Variants in CHCHD6 observed in about 807,000 individuals in gnomAD.
CHCHD6 encodes the protein coiled-coil-helix-coiled-coil-helix domain containing 6.
CHCHD6 carries 28 observed loss-of-function variants against 32.3 expected under a neutral mutation model. The ratio of observed to expected loss-of-function variants is 0.87; its 90% CI spans 0.64 to 1.19. CHCHD6 has a LOEUF of 1.19. CHCHD6 is among the 50% of genes most tolerant of loss of function. The pLI is 0.00. For synonymous variants in CHCHD6, 122 were observed against 117.5 expected (o/e 1.04, Z -0.25); for missense variants, 333 against 307.0 (o/e 1.08, Z -0.63).
chr3:126,858,523 C>T (rs1250554113), intron 5 of CHCHD6, among the ~76,000 whole-genome samples: 1 of 152,186 alleles, frequency 6.6e-6, no homozygotes, highest in Non-Finnish European at 1.5e-5. Flanking sequence ...TGGCCTGCAG[C>T]GCTCTGCTCA....
At chr3:126,878,137 C>A (rs980769255) in intron 5 of CHCHD6, among the ~76,000 whole-genome samples, 1 of 152,138 alleles carries the variant, frequency 6.6e-6, no homozygotes, top group African/African-American at 2.4e-5. Flanking sequence ...AAGAAAGAGC[C>A]TTGTGGTCTT....
rs1475101872 is a variant in CHCHD6, at chr3:126,901,058, A to G, written c.496-13622A>G. ...CTGGGGAGGTGTTGACATGAGATTC[A>G]GTAGGGACACGGATCCAAACCATAT... is the stretch of plus-strand genomic sequence containing the variant. On this transcript the variant is annotated intron_variant, in intron 5 of 7. Coordinates refer to ENST00000290913, the MANE Select transcript of CHCHD6 (RefSeq NM_032343.3). Among the ~76,000 whole-genome samples the G allele has an allele frequency of 2.6e-5, 4 of 152,168 alleles. No individual in the cohort carries two copies. The East Asian group carries it at 7.7e-4, about 29-fold the overall frequency.
At chr3:126,737,390 G>GTGTATATATATATATA (rs755051777) in intron 4 of CHCHD6, among the ~76,000 whole-genome samples, 36 of 132,634 alleles carry the variant, frequency 2.7e-4, no homozygotes, top group African/African-American at 7.9e-4. Flanking sequence ...TGATGTGTGA[G>GTGTATATATATATATA]TATATATATA....
intron 6 of CHCHD6, among the ~76,000 whole-genome samples, chr3:126,916,011 G>A (rs902249013): frequency 6.6e-6 from 1 of 152,082 alleles, no homozygotes; most frequent in Non-Finnish European, 1.5e-5. Flanking sequence ...TAGTGTAGGG[G>A]TTTTATTCTT....
At chr3:126,923,043 C>G (rs2078275651) in intron 6 of CHCHD6, among the ~76,000 whole-genome samples, 1 of 152,190 alleles carries the variant, frequency 6.6e-6, no homozygotes. Context: ...AGATGTCACA[C>G]AGGGACCCCA....
rs1287413492 is a variant in CHCHD6, at chr3:126,719,425, G to A, written c.88-7653G>A. Among the ~76,000 whole-genome samples the A allele has an allele frequency of 3.3e-5, 5 of 152,174 alleles. No homozygotes were observed. The South Asian group carries it at 6.2e-4, about 19-fold the overall frequency. On this transcript the variant is annotated intron_variant, in intron 1 of 7. Transcript: ENST00000290913. ...ATGCTGCCATCACTTTATGATAGCC[G>A]TTTCTTCTTTCATAGATAGCACCAA...
chr3:126,880,573 A>G (rs1395625570), intron 5 of CHCHD6, among the ~76,000 whole-genome samples: 1 of 152,118 alleles, frequency 6.6e-6, no homozygotes, highest in Non-Finnish European at 1.5e-5. Flanking sequence ...TAGCCTTACC[A>G]TCTGAGAGGA....
intron 5 of CHCHD6, among the ~76,000 whole-genome samples, chr3:126,906,021 C>CT (rs1405481526): frequency 6.6e-6 from 1 of 152,142 alleles, no homozygotes; most frequent in Non-Finnish European, 1.5e-5. Context: ...GAGCACAGTT[C>CT]TGACCAGGGC....
At chr3:126,741,079 A>G (rs1273425711) in intron 4 of CHCHD6, among the ~76,000 whole-genome samples, 1 of 152,146 alleles carries the variant, frequency 6.6e-6, no homozygotes, top group Non-Finnish European at 1.5e-5. Context: ...ATATATGTAC[A>G]GTGCCTGGTG....
At position 126,924,826 on chromosome 3, in the gene CHCHD6, A is replaced by G. The variant is rs764646918; in HGVS notation, c.566+10076A>G. On this transcript the variant is annotated intron_variant, in intron 6 of 7. Coordinates refer to ENST00000290913, the MANE Select transcript of CHCHD6 (RefSeq NM_032343.3). ...GGTGGGCCTGGAGGACCTCTCCTCC[A>G]TGGACATGCTGAGGCTCTTGGGTCA... 2.0e-4 allele frequency among the ~76,000 whole-genome samples: 30 copies of G among 152,336 alleles called. 1 individual carries two copies. The highest frequency in any genetic ancestry group is 3.4e-3 in the Middle Eastern group (1 of 294).
intron 4 of CHCHD6, among the ~76,000 whole-genome samples, chr3:126,806,761 C>G (rs149393242): frequency 9.2e-5 from 14 of 152,014 alleles, no homozygotes; most frequent in African/African-American, 3.4e-4. Context: ...ATGTTTATTG[C>G]GGCACTATTC....
chr3:126,737,389 AGTATATATATAT>A (rs1936090891), intron 4 of CHCHD6, among the ~76,000 whole-genome samples: 1 of 79,334 alleles, frequency 1.3e-5, no homozygotes, highest in African/African-American at 5.9e-5. Flanking sequence ...ATGATGTGTG[AGTATATATATAT>A]ATATATATAT....
chr3:126,919,317 C>CTT (rs756862821), intron 6 of CHCHD6, among the ~76,000 whole-genome samples: 1,026 of 68,108 alleles, frequency 0.015, 21 homozygotes, highest in African/African-American at 0.041. Flanking sequence ...TTTCTTTTTT[C>CTT]TTTTTTTTTT....
At chr3:126,825,604 CTATA>C (rs1422643869) in intron 4 of CHCHD6, among the ~76,000 whole-genome samples, 1 of 152,112 alleles carries the variant, frequency 6.6e-6, no homozygotes, top group Non-Finnish European at 1.5e-5. Context: ...ATCTGGGACT[CTATA>C]TATTTGTGCC....
chr3:126,756,826 A>G (rs1183820991), intron 4 of CHCHD6, among the ~76,000 whole-genome samples: 1 of 152,244 alleles, frequency 6.6e-6, no homozygotes, highest in Non-Finnish European at 1.5e-5. Context: ...ATGGAATGTA[A>G]GGATGGAGAG....
intron 5 of CHCHD6, among the ~76,000 whole-genome samples, chr3:126,862,613 C>T (rs1324224006): frequency 7.5e-6 from 1 of 132,702 alleles, no homozygotes; most frequent in Non-Finnish European, 1.6e-5. Context: ...ATCACCACCT[C>T]CCCCTCCTCC....
At chr3:126,811,212 C>T (rs181354835) in intron 4 of CHCHD6, among the ~76,000 whole-genome samples, 1 of 152,244 alleles carries the variant, frequency 6.6e-6, no homozygotes, top group African/African-American at 2.4e-5. Context: ...CAAGAGCTAA[C>T]AAACTAAGCT....
At chr3:126,942,071 C>G (rs1323110084) in intron 6 of CHCHD6, among the ~76,000 whole-genome samples, 1 of 152,190 alleles carries the variant, frequency 6.6e-6, no homozygotes, top group Non-Finnish European at 1.5e-5. Context: ...GTAGGGAGAG[C>G]CCCAGCCCTG....
chr3:126,762,242 T>C (rs1470546556), intron 4 of CHCHD6, among the ~76,000 whole-genome samples: 1 of 152,186 alleles, frequency 6.6e-6, no homozygotes, highest in East Asian at 1.9e-4. Context: ...ACTTAGGTTA[T>C]TAGTTTGAGA....
Sources: gnomAD v4.1 joint callset for allele counts (sites outside exome capture counted in the v4.1 genomes callset) on GRCh38, gnomAD v4.1.1 for gene constraint, MANE v1.5 for transcripts, NCBI Gene and HGNC (gene_info 2026-07-23, HGNC 2026-07-21) for gene names.